FGFR1: variants seen among roughly 807,000 people sequenced by gnomAD.
FGFR1 encodes FGFR1/PLAG1 fusion.
In FGFR1, 18 loss-of-function variants were observed where a neutral mutation model predicts 93.7. The observed-to-expected ratio is 0.19, with a 90% CI of 0.13 to 0.28. FGFR1 has a LOEUF of 0.28. FGFR1 is among the 10% of genes least tolerant of loss of function. FGFR1 has a pLI of 1.00. For synonymous variants in FGFR1, 448 were observed against 429.3 expected, an observed-to-expected ratio of 1.04 and a Z score of -0.54; for missense variants, 731 against 1,080.4, an observed-to-expected ratio of 0.68 and a Z score of 4.53.
At chr8:38,463,534 T>G (rs1186921884) in intron 1 of FGFR1, 2 of 223,364 alleles carry the variant, frequency 9.0e-6, no homozygotes, top group Non-Finnish European at 1.8e-5. Context: ...CCCTAACCTT[T>G]GCTAACACCC....
At chr8:38,453,960 C>G (rs558052126) in intron 2 of FGFR1, among the ~76,000 whole-genome samples, 1 of 152,278 alleles carries the variant, frequency 6.6e-6, no homozygotes, top group Non-Finnish European at 1.5e-5. Context: ...AGTGATCCTC[C>G]TGCCTCTGCC....
intron 1 of FGFR1, among the ~76,000 whole-genome samples, chr8:38,463,834 C>T (rs1164353932): frequency 6.6e-6 from 1 of 152,006 alleles, no homozygotes; most frequent in African/African-American, 2.4e-5. Context: ...TTATTTCTTC[C>T]CCAAAGTGAC....
Position 38,417,902 on chromosome 8 carries a change from C to T in FGFR1, c.1520G>A (p.Arg507His), listed in dbSNP as rs369356672. 1.5e-4 allele frequency: 237 copies of T among 1,614,084 alleles called. 1 individual carries two copies. Among genetic ancestry groups the T allele is most frequent in the Non-Finnish European group, 1.9e-4 (219 of 1,180,040 alleles). The change falls in exon 11 of 18, where the codon CGT becomes CAT. Residue 507 changes from arginine to histidine, a missense_variant. This residue lies in a region of FGFR1 where 62 missense variants were observed against 99.5 expected (regional missense o/e 0.62). Transcript: ENST00000447712. The part of the protein sequence containing the change: ...AIGLDKDKPN[R>H]VTKVAVKMLK... ...CATCTTCACAGCCACTTTGGTCACA[C>T]GGTTGGGTTTGTCCTTGTCCAGCCC...
Position 38,421,461 on chromosome 8 carries a change from G to C in FGFR1, c.1081+336C>G, listed in dbSNP as rs144852314. ...TTCAGATGCTCAGTACCCAGCGGAG[G>C]GGGGAGGCTGCTGGACCCAAGGACG... is the stretch of plus-strand genomic sequence containing the variant. On this transcript the variant is annotated intron_variant, in intron 8 of 17. Coordinates refer to ENST00000447712, the MANE Select transcript of FGFR1 (RefSeq NM_023110.3). 2.2e-4 allele frequency among the ~76,000 whole-genome samples: 34 copies of C among 152,278 alleles called. No homozygotes were observed. In the East Asian group the frequency reaches 4.5e-3, roughly 20 times the overall value.
At position 38,427,982 on chromosome 8, in the gene FGFR1, G is replaced by A. The variant is rs2150912432; in HGVS notation, c.560C>T (p.Thr187Ile). 3.7e-6 allele frequency: 6 copies of A among 1,614,284 alleles called. No homozygotes were observed. The highest frequency in any genetic ancestry group is 4.2e-6 in the Non-Finnish European group (5 of 1,180,048). ...TTTGCCATTTTTCAACCAGCGCAGT[G>A]TGGGGTTTGGGGTCCCACTGGAAGG... ...KCPSSGTPNPTLRWLKNGKEF... is the reference protein window; with the variant it reads ...KCPSSGTPNPILRWLKNGKEF... Residue 187 changes from threonine (T) to isoleucine (I), a missense_variant, in exon 5 of 18, where the codon ACA becomes ATA. Physicochemically the swap from Thr to Ile is moderately conservative, Grantham distance 89 (BLOSUM62 -1). This residue lies in a region of FGFR1 where 109 missense variants were observed against 249.4 expected (regional missense o/e 0.44). Transcript: ENST00000447712.
At chr8:38,427,008 G>A (rs1012043787) in intron 5 of FGFR1, among the ~76,000 whole-genome samples, 9 of 151,876 alleles carry the variant, frequency 5.9e-5, no homozygotes, top group Admixed American at 2.6e-4. Context: ...TCGGGAGGCT[G>A]AGGCAGGAGA....
Position 38,414,814 on chromosome 8 carries a change from T to C in FGFR1, c.1942A>G (p.Ile648Val), listed in dbSNP as rs1466727439. The part of the protein sequence containing the change: ...KIADFGLARD[I>V]HHIDYYKKTT... Reference sequence around the variant, plus strand: ...TTTTTATAGTAGTCGATGTGGTGAATGTCCCGTGCGAGGCCAAAGTCTGCT... The same window carrying C: ...TTTTTATAGTAGTCGATGTGGTGAACGTCCCGTGCGAGGCCAAAGTCTGCT... The change falls in exon 14 of 18, where the codon ATT becomes GTT. Residue 648 changes from isoleucine (I) to valine (V), a missense_variant. Physicochemically the swap from Ile to Val is conservative, Grantham distance 29. Around this residue, in one of 10 missense-constraint regions of FGFR1, gnomAD observed 44 missense variants for 99.9 expected, o/e 0.44. Coordinates refer to ENST00000447712, the MANE Select transcript of FGFR1 (RefSeq NM_023110.3). 1.2e-6 allele frequency: 2 copies of C among 1,613,888 alleles called. No individual in the cohort carries two copies. Among genetic ancestry groups the C allele is most frequent in the Non-Finnish European group, 1.7e-6 (2 of 1,180,032 alleles).
At chr8:38,465,669 A>T (rs373696660) in intron 1 of FGFR1, 1 of 223,278 alleles carries the variant, frequency 4.5e-6, no homozygotes, top group South Asian at 1.8e-4. Context: ...ACCGAGAGGA[A>T]GGTGGATGAC....
chr8:38,449,701 G>A (rs186536658), intron 2 of FGFR1, among the ~76,000 whole-genome samples: 20 of 152,302 alleles, frequency 1.3e-4, no homozygotes, highest in Admixed American at 7.2e-4. Flanking sequence ...GCTCAGCCAC[G>A]CCACAGCATG....
chr8:38,457,271 A>G (rs1833088902), intron 2 of FGFR1, 85 bp downstream of exon 2: 4 of 1,470,272 alleles, frequency 2.7e-6, no homozygotes, highest in Non-Finnish European at 3.7e-6. Context: ...TGTTGACCAC[A>G]TCACCTGCAA....
At chr8:38,456,350 C>T (rs890285464) in intron 2 of FGFR1, among the ~76,000 whole-genome samples, 7 of 152,208 alleles carry the variant, frequency 4.6e-5, no homozygotes, top group Non-Finnish European at 8.8e-5. Context: ...CCACAGCTCA[C>T]ACAGATCCCA....
intron 2 of FGFR1, among the ~76,000 whole-genome samples, chr8:38,454,281 C>T (rs941060856): frequency 9.2e-5 from 14 of 151,788 alleles, no homozygotes; most frequent in Non-Finnish European, 2.1e-4. Flanking sequence ...CAGCCAGGCC[C>T]GAGATCCACT....
In FGFR1 at chr8:38,413,590, G is replaced by T. The variant is rs1478928080; in HGVS notation, c.*38C>A. The T allele has an allele frequency of 6.3e-7, 1 of 1,577,960 alleles. No individual in the cohort carries two copies. Among genetic ancestry groups the T allele is most frequent in the African/African-American group, 1.3e-5 (1 of 74,766 alleles). On this transcript the variant is annotated 3_prime_UTR_variant, in exon 18 of 18. Transcript: ENST00000447712. The surrounding 1 kb of genome is among the most constrained non-coding windows in gnomAD (Gnocchi z 4.2). Reference sequence around the variant, plus strand: ...GCAGGGGCTGTGGGTGAGGGTTACAGCTGACGGTGGAGTCTGGGGAGGGCG... The same window carrying T: ...GCAGGGGCTGTGGGTGAGGGTTACATCTGACGGTGGAGTCTGGGGAGGGCG...
At position 38,421,858 on chromosome 8, in the gene FGFR1, C is replaced by G. The variant is rs762987116; in HGVS notation, c.1020G>C (p.Thr340=). The change falls in exon 8 of 18, where the codon ACG becomes ACC. Residue 340 remains threonine, a synonymous_variant. Coordinates refer to ENST00000447712, the MANE Select transcript of FGFR1 (RefSeq NM_023110.3). ...NVSFEDAGEY[T]CLAGNSIGLS... ...GTCCGATAGAGTTACCCGCCAAGCACGTATACTCCCCTGCGTCCTCAAAGG... is the reference window on the plus strand; with the variant it reads ...GTCCGATAGAGTTACCCGCCAAGCAGGTATACTCCCCTGCGTCCTCAAAGG... 1.9e-6 allele frequency: 3 copies of G among 1,614,072 alleles called. No individual in the cohort carries two copies. The East Asian group carries it at 6.7e-5, about 36-fold the overall frequency.
In FGFR1 at chr8:38,414,893, G is replaced by T; in HGVS notation, c.1863C>A (p.His621Gln). The change falls in exon 14 of 18, where the codon CAC becomes CAA. Residue 621 changes from histidine (H) to glutamine (Q), a missense_variant. Physicochemically the swap from His to Gln is conservative, Grantham distance 24 (BLOSUM62 0). This residue lies in a region of FGFR1 where 44 missense variants were observed against 99.9 expected (regional missense o/e 0.44). Transcript: ENST00000447712. ...GGACATTCCTGGCTGCCAGGTCTCG[G>T]TGTATGCACTGAGGAAGGAGGAAGG... is the stretch of plus-strand genomic sequence containing the variant. ...MEYLASKKCIHRDLAARNVLV... is the reference protein window; with the variant it reads ...MEYLASKKCIQRDLAARNVLV... 6.2e-7 allele frequency: 1 copy of T among 1,613,370 alleles called. No homozygotes were observed.
At chr8:38,420,451 A>C (rs1475772268) in intron 8 of FGFR1, 1 of 152,048 alleles carries the variant, frequency 6.6e-6, no homozygotes, top group Admixed American at 6.6e-5. Context: ...TTCAAATTCT[A>C]CTCATAGGCC....
rs745696130 is a variant in FGFR1, at chr8:38,415,972, G to C, written c.1752C>G (p.Cys584Trp). Reference sequence around the variant, plus strand: ...CCTCTGGGTTGTGGCTGGGGTTGTAGCAGTATTCCAGCCCTGGGGGCCTCC... The same window carrying C: ...CCTCTGGGTTGTGGCTGGGGTTGTACCAGTATTCCAGCCCTGGGGGCCTCC... ...QARRPPGLEY[C>W]YNPSHNPEEQ... Residue 584 changes from cysteine (C) to tryptophan (W), a missense_variant, in exon 13 of 18, where the codon TGC (cysteine) becomes TGG (tryptophan). Cys to Trp is a radical substitution (Grantham distance 215, BLOSUM62 -2). This residue lies in a region of FGFR1 where 39 missense variants were observed against 39.2 expected (regional missense o/e 1.00). Coordinates refer to ENST00000447712, the MANE Select transcript of FGFR1 (RefSeq NM_023110.3). 5.0e-6 allele frequency: 8 copies of C among 1,613,980 alleles called. No individual in the cohort carries two copies. In the East Asian group the frequency reaches 1.8e-4, roughly 36 times the overall value.
intron 13 of FGFR1, 126 bp from the exon 14 acceptor site, chr8:38,415,027 G>A (rs958071759): frequency 8.4e-6 from 6 of 712,936 alleles, no homozygotes; most frequent in East Asian, 2.7e-5. Flanking sequence ...TCTGCCCCCC[G>A]AACCTTTGCT....
chr8:38,452,615 G>A (rs1228817590), intron 2 of FGFR1, among the ~76,000 whole-genome samples: 2 of 152,158 alleles, frequency 1.3e-5, no homozygotes, highest in Non-Finnish European at 2.9e-5. Context: ...CTCCTGCATC[G>A]GCCTCCTATA....
Sources: allele counts gnomAD v4.1 joint callset (sites outside exome capture counted in the v4.1 genomes callset), GRCh38; gene constraint gnomAD v4.1.1; regional missense constraint gnomAD v4.1.1; non-coding constraint Gnocchi (gnomAD v3.1); transcripts MANE v1.5; gene names NCBI Gene and HGNC (gene_info 2026-07-23, HGNC 2026-07-21).